Variants in SULT1E1 observed in about 807,000 individuals in gnomAD.
SULT1E1 encodes sulfotransferase family 1E member 1, also known as sulfotransferase 1E1.
A neutral mutation model predicts 33.6 loss-of-function variants in SULT1E1; 36 were observed. That is an observed-to-expected ratio of 1.07 (90% confidence interval 0.82 to 1.41). The LOEUF is 1.41. SULT1E1 is among the 40% of genes most tolerant of loss of function. The pLI is 0.00. For synonymous variants in SULT1E1, 121 were observed against 111.7 expected, an observed-to-expected ratio of 1.08 and a Z score of -0.53; for missense variants, 371 against 345.7, an observed-to-expected ratio of 1.07 and a Z score of -0.58.
chr4:69,824,356 G>T, the SULT1E1 span, among the ~76,000 whole-genome samples: 4 of 152,142 alleles, frequency 2.6e-5, no homozygotes, highest in East Asian at 7.7e-4. Context: ...TTTCACTCAT[G>T]GACATAGAAA....
At chr4:69,859,278 G>T (rs4149527) in intron 1 of SULT1E1, among the ~76,000 whole-genome samples, 31,964 of 151,796 alleles carry the variant, frequency 0.21, 4,124 homozygotes, top group Non-Finnish European at 0.29. Context: ...CTCCCCTCCT[G>T]CATCTTCCAA....
At chr4:69,821,639 G>A in the SULT1E1 span, among the ~76,000 whole-genome samples, 1 of 152,160 alleles carries the variant, frequency 6.6e-6, no homozygotes, top group Admixed American at 6.5e-5. Flanking sequence ...TTTCATTCGT[G>A]TGTCTCTAAA....
chr4:69,826,122 C>A, the SULT1E1 span, among the ~76,000 whole-genome samples: 4 of 152,154 alleles, frequency 2.6e-5, no homozygotes, highest in African/African-American at 9.7e-5. Context: ...AAACTGTATT[C>A]TTCCTATTCA....
chr4:69,832,686 C>A, the SULT1E1 span, among the ~76,000 whole-genome samples: 212 of 152,276 alleles, frequency 1.4e-3, 1 homozygote, highest in African/African-American at 4.6e-3. Flanking sequence ...GCGACCCCCC[C>A]ACCATGGCGT....
downstream of SULT1E1, among the ~76,000 whole-genome samples, chr4:69,836,549 C>A (rs1188348423): frequency 6.6e-6 from 1 of 152,136 alleles, no homozygotes; most frequent in Non-Finnish European, 1.5e-5. Context: ...CATCTGGAAT[C>A]CCTGGGGCCT....
intron 3 of SULT1E1, 45 bp from the exon 4 acceptor site, chr4:69,854,359 A>G: frequency 3.2e-6 from 4 of 1,245,666 alleles, no homozygotes; most frequent in Non-Finnish European, 4.6e-6. Context: ...AAAAATTGTA[A>G]CTATTTATGT....
intron 1 of SULT1E1, among the ~76,000 whole-genome samples, chr4:69,858,636 A>G (rs2109668594): frequency 6.6e-6 from 1 of 152,030 alleles, no homozygotes; most frequent in South Asian, 2.1e-4. Context: ...CCCAGCCCTT[A>G]GGACAATCTC....
At chr4:69,840,212 A>T (rs1720858177), downstream of SULT1E1, among the ~76,000 whole-genome samples, 1 of 151,202 alleles carries the variant, frequency 6.6e-6, no homozygotes, top group Admixed American at 6.6e-5. Flanking sequence ...TTAAACATTA[A>T]AAAAAAGCTT....
In SULT1E1 at chr4:69,847,029, T is replaced by C. The variant is rs1220783397; in HGVS notation, c.591+669A>G. Reference sequence around the variant, plus strand: ...AACATTTTTATTTTTTAAATGCTAATACTTAGTAAGAACCATTACTTTTCA... The same window carrying C: ...AACATTTTTATTTTTTAAATGCTAACACTTAGTAAGAACCATTACTTTTCA... On this transcript the variant is annotated intron_variant, in intron 6 of 7. Transcript: ENST00000226444. 4.6e-5 allele frequency among the ~76,000 whole-genome samples: 7 copies of C among 151,704 alleles called. No individual in the cohort carries two copies. The South Asian group carries it at 8.3e-4, about 18-fold the overall frequency.
the SULT1E1 span, among the ~76,000 whole-genome samples, chr4:69,825,606 G>A: frequency 5.9e-5 from 9 of 152,240 alleles, no homozygotes; most frequent in South Asian, 2.1e-4. Flanking sequence ...CCCGACTCTC[G>A]GAGTTGGGAG....
rs373022517 is a variant in SULT1E1 at position 69,855,210 on chromosome 4, C to A, written c.271+91G>T. ...TATGTAGAAGACCTGATACTAATTG[C>A]CATTCTTGCTTATAATCTCATTGCT... On this transcript the variant is annotated intron_variant, in intron 3 of 7. Coordinates refer to ENST00000226444, the MANE Select transcript of SULT1E1 (RefSeq NM_005420.3). The A allele has an allele frequency of 5.0e-5, 67 of 1,343,202 alleles. 1 individual carries two copies. Among genetic ancestry groups the A allele is most frequent in the East Asian group, 4.1e-4 (17 of 41,384 alleles). 83.2% of individuals were successfully genotyped at this position (1,343,202 alleles called of 1,614,324 possible). A position where few individuals can be genotyped will look rare whatever the true frequency, so the allele number is the denominator to read the frequency against.
chr4:69,844,664 C>T (rs772928563), intron 6 of SULT1E1, among the ~76,000 whole-genome samples: 3 of 151,984 alleles, frequency 2.0e-5, no homozygotes, highest in South Asian at 2.1e-4. Flanking sequence ...ACCTAAAGTC[C>T]CCTGTGAAAA....
At chr4:69,840,122 A>AT (rs1167131012), downstream of SULT1E1, among the ~76,000 whole-genome samples, 1 of 152,152 alleles carries the variant, frequency 6.6e-6, no homozygotes, top group Non-Finnish European at 1.5e-5. Flanking sequence ...ATTGATTCTG[A>AT]TTCCCCCGGT....
intron 6 of SULT1E1, among the ~76,000 whole-genome samples, chr4:69,845,069 G>T (rs2110066422): frequency 6.6e-6 from 1 of 152,040 alleles, no homozygotes; most frequent in South Asian, 2.1e-4. Context: ...TTGGGTAGAT[G>T]ACCCTGTTTT....
the SULT1E1 span, among the ~76,000 whole-genome samples, chr4:69,826,194 T>G: frequency 3.3e-5 from 5 of 152,216 alleles, no homozygotes; most frequent in African/African-American, 9.6e-5. Flanking sequence ...TCCCTCAGGG[T>G]ATGGCCCTCC....
At chr4:69,853,261 T>C (rs1721164489) in intron 4 of SULT1E1, among the ~76,000 whole-genome samples, 1 of 152,118 alleles carries the variant, frequency 6.6e-6, no homozygotes, top group Non-Finnish European at 1.5e-5. Context: ...ATGTTTTCTC[T>C]GTATTTTGAG....
downstream of SULT1E1, among the ~76,000 whole-genome samples, chr4:69,836,525 A>G (rs1404272509): frequency 6.6e-6 from 1 of 152,160 alleles, no homozygotes; most frequent in African/African-American, 2.4e-5. Flanking sequence ...TGAAGAGTTA[A>G]TTATACTGTA....
At chr4:69,846,570 A>G (rs1418286956) in intron 6 of SULT1E1, among the ~76,000 whole-genome samples, 1 of 151,606 alleles carries the variant, frequency 6.6e-6, no homozygotes, top group Non-Finnish European at 1.5e-5. Flanking sequence ...GAATGCTACT[A>G]TGAAAATTAT....
chr4:69,844,210 T>A lies in SULT1E1; in HGVS notation c.723A>T (p.Thr241=), dbSNP rs1390320107. The change falls in exon 7 of 8, where the codon ACA becomes ACT. Residue 241 remains threonine (T), a synonymous_variant. Coordinates refer to ENST00000226444, the MANE Select transcript of SULT1E1 (RefSeq NM_005420.3). Reference sequence around the variant, plus strand: ...TCTGGTTCATAATTTCGTCTGGCAGTGTTGTGTAATTTGTGGATGGATTGT... The same window carrying A: ...TCTGGTTCATAATTTCGTCTGGCAGAGTTGTGTAATTTGTGGATGGATTGT... ...MKNNPSTNYT[T]LPDEIMNQKL... is the part of the protein sequence containing the mutation. The A allele has an allele frequency of 1.2e-6, 2 of 1,613,868 alleles. No individual in the cohort carries two copies. The highest frequency in any genetic ancestry group is 1.7e-6 in the Non-Finnish European group (2 of 1,179,936).
Sources: gnomAD v4.1 joint callset for allele counts (sites outside exome capture counted in the v4.1 genomes callset) on GRCh38, gnomAD v4.1.1 for gene constraint, MANE v1.5 for transcripts, NCBI Gene and HGNC (gene_info 2026-07-23, HGNC 2026-07-21) for gene names.